Variants in CDH2 observed in about 807,000 individuals in gnomAD.
CDH2 encodes the protein cadherin 2, also known as cadherin-2.
A neutral mutation model predicts 92.0 loss-of-function variants in CDH2; 17 were observed. The observed-to-expected ratio is 0.18, with a 90% CI of 0.13 to 0.28. The LOEUF is 0.28. Among genes scored for constraint, CDH2 ranks in the 10% least tolerant of loss-of-function variants. CDH2 has a pLI of 1.00. For missense variants in CDH2, 862 were observed against 1,133.1 expected (o/e 0.76, Z 3.44); for synonymous variants, 419 against 415.9 (o/e 1.01, Z -0.09).
intron 5 of CDH2, among the ~76,000 whole-genome samples, chr18:28,007,714 G>T (rs1352926706): frequency 6.6e-6 from 1 of 151,492 alleles, no homozygotes; most frequent in Admixed American, 6.6e-5. Context: ...TCTGTTATGG[G>T]TTTTTTTGTT....
At chr18:28,142,296 T>C (rs2015966662) in intron 2 of CDH2, among the ~76,000 whole-genome samples, 1 of 152,028 alleles carries the variant, frequency 6.6e-6, no homozygotes, top group Non-Finnish European at 1.5e-5. Context: ...GGAAGAGATC[T>C]CAGCTAGTCC....
At chr18:28,158,912 A>G (rs2016262841) in intron 1 of CDH2, among the ~76,000 whole-genome samples, 1 of 152,228 alleles carries the variant, frequency 6.6e-6, no homozygotes, top group Non-Finnish European at 1.5e-5. Flanking sequence ...TGGAAAATAC[A>G]GTAATTTTTC....
chr18:28,055,991 GAA>G (rs2014285077), intron 2 of CDH2, among the ~76,000 whole-genome samples: 1 of 152,016 alleles, frequency 6.6e-6, no homozygotes, highest in East Asian at 1.9e-4. Flanking sequence ...TATGGTAACT[GAA>G]ACTGGAAATA....
At chr18:28,038,221 G>A (rs934486947) in intron 2 of CDH2, among the ~76,000 whole-genome samples, 7 of 152,014 alleles carry the variant, frequency 4.6e-5, no homozygotes, top group African/African-American at 1.7e-4. Context: ...CCAGGAGTTC[G>A]AGACCAGCCT....
chr18:27,964,272 G>C (rs569800370), intron 14 of CDH2, among the ~76,000 whole-genome samples: 1 of 152,316 alleles, frequency 6.6e-6, no homozygotes, highest in Non-Finnish European at 1.5e-5. Context: ...CGCTTTCAGA[G>C]AGGCAAAGTA....
intron 14 of CDH2, among the ~76,000 whole-genome samples, chr18:27,980,134 C>T (rs551639170): frequency 9.9e-5 from 15 of 152,244 alleles, no homozygotes; most frequent in Middle Eastern, 3.4e-3. Context: ...AGAACTCTGC[C>T]TTTAAAAACC....
intron 2 of CDH2, among the ~76,000 whole-genome samples, chr18:28,089,580 T>C (rs141948020): frequency 8.5e-5 from 13 of 152,342 alleles, no homozygotes; most frequent in Admixed American, 2.0e-4. Flanking sequence ...TTAAGTGTCC[T>C]TGAATTATTT....
intron 2 of CDH2, among the ~76,000 whole-genome samples, chr18:28,038,295 C>T (rs1222073346): frequency 6.6e-6 from 1 of 151,936 alleles, no homozygotes; most frequent in Non-Finnish European, 1.5e-5. Flanking sequence ...TGGTGGCGCA[C>T]ACCTGTATTC....
intron 14 of CDH2, among the ~76,000 whole-genome samples, chr18:27,978,601 T>C (rs2011929883): frequency 9.4e-6 from 1 of 106,004 alleles, no homozygotes; most frequent in Non-Finnish European, 2.1e-5. Context: ...AAGAAAATAA[T>C]ATATGTAGTT....
intron 2 of CDH2, among the ~76,000 whole-genome samples, chr18:28,031,332 G>A (rs992745254): frequency 2.6e-5 from 4 of 151,822 alleles, no homozygotes; most frequent in South Asian, 2.1e-4. Context: ...TCATCAAGAC[G>A]ACCAATTCTC....
intron 2 of CDH2, among the ~76,000 whole-genome samples, chr18:28,120,731 T>C (rs2015573770): frequency 6.6e-6 from 1 of 152,090 alleles, no homozygotes; most frequent in African/African-American, 2.4e-5. Flanking sequence ...ATCTATCCTA[T>C]TCTACATTGT....
At chr18:27,934,222 C>T (rs1032741580) in intron 6 of CDH2, among the ~76,000 whole-genome samples, 6 of 152,162 alleles carry the variant, frequency 3.9e-5, no homozygotes, top group African/African-American at 1.4e-4. Context: ...CTTCCTGGTT[C>T]TGTCGGCTTC....
At chr18:27,967,277 G>C (rs1021536764) in intron 14 of CDH2, among the ~76,000 whole-genome samples, 2 of 152,188 alleles carry the variant, frequency 1.3e-5, no homozygotes, top group Non-Finnish European at 2.9e-5. Context: ...GGGCTCTTCT[G>C]TTGACGTCTA....
At chr18:28,014,970 T>G (rs534783277) in intron 2 of CDH2, among the ~76,000 whole-genome samples, 5 of 152,318 alleles carry the variant, frequency 3.3e-5, no homozygotes, top group African/African-American at 1.2e-4. Flanking sequence ...ATTTTTTTAT[T>G]TCTGTAAACG....
chr18:28,038,422 A>T (rs935692908), intron 2 of CDH2, among the ~76,000 whole-genome samples: 3 of 142,382 alleles, frequency 2.1e-5, no homozygotes, highest in African/African-American at 2.6e-5. Flanking sequence ...CCTTGTCTCA[A>T]GTGTGTGTGT....
intron 2 of CDH2, among the ~76,000 whole-genome samples, chr18:28,141,848 T>C (rs2015959388): frequency 6.6e-6 from 1 of 152,076 alleles, no homozygotes; most frequent in South Asian, 2.1e-4. Context: ...TTGCATTTGC[T>C]GTTAGCTCTC....
intron 10 of CDH2, among the ~76,000 whole-genome samples, chr18:27,989,040 A>T (rs2012326303): frequency 6.6e-6 from 1 of 152,230 alleles, no homozygotes. Context: ...CTCAATGTAC[A>T]GGAGTTAAGA....
intron 14 of CDH2, among the ~76,000 whole-genome samples, chr18:27,971,723 T>C (rs2011665517): frequency 6.6e-6 from 1 of 152,200 alleles, no homozygotes; most frequent in Admixed American, 6.5e-5. Flanking sequence ...CAATAACTAA[T>C]ATATAACAGT....
At chr18:28,017,244 G>C (rs914813921) in intron 2 of CDH2, among the ~76,000 whole-genome samples, 4 of 151,666 alleles carry the variant, frequency 2.6e-5, no homozygotes, top group Non-Finnish European at 4.4e-5. Flanking sequence ...TCTGGTCCTT[G>C]AATTTTTTTT....
Sources: allele counts gnomAD v4.1 joint callset (sites outside exome capture counted in the v4.1 genomes callset), GRCh38; gene constraint gnomAD v4.1.1; transcripts MANE v1.5; gene names NCBI Gene and HGNC (gene_info 2026-07-23, HGNC 2026-07-21).